ATP6AP1: variants seen among roughly 807,000 people sequenced by gnomAD.
The protein encoded by ATP6AP1 is ATPase H+ transporting accessory protein 1, also known as V-type proton ATPase subunit S1.
Under a neutral mutation model 32.0 loss-of-function variants are expected in ATP6AP1, and 1 was observed. That is an observed-to-expected ratio of 0.03 (90% CI 0.01 to 0.15). ATP6AP1 has a LOEUF of 0.15. Ranked by LOEUF, ATP6AP1 falls within the 10% of genes least tolerant of loss-of-function variation. The probability of loss-of-function intolerance (pLI) is 1.00; values close to 1 mark genes in which losing one functional copy is unlikely to be tolerated. For synonymous variants in ATP6AP1, 187 were observed against 174.9 expected (o/e 1.07, Z -0.55); for missense variants, 297 against 398.8 (o/e 0.74, Z 2.17).
Position 154,435,304 on chromosome X carries a change from G to A in ATP6AP1, c.1002G>A (p.Val334=). ...TTCTGGCCAACCGCCTCTACCCAGT[G>A]TCTGCCCGGCACTGGTTTACCATGG... The part of the protein sequence containing the change: ...KFILANRLYP[V]SARHWFTMER... Residue 334 remains valine, a synonymous_variant, in exon 9 of 10, where the codon GTG becomes GTA. Transcript: ENST00000369762. The A allele has an allele frequency of 2.5e-6, 3 of 1,211,880 alleles. No individual in the cohort carries two copies. The highest frequency in any genetic ancestry group is 3.3e-6 in the Non-Finnish European group (3 of 895,531).
At chrX:154,432,702 G>A (rs1244673232) in intron 4 of ATP6AP1, among the ~76,000 whole-genome samples, 1 of 112,261 alleles carries the variant, frequency 8.9e-6, no homozygotes, top group Non-Finnish European at 1.9e-5. Context: ...CTGCGGGTGG[G>A]GAGCCTTCTC....
At chrX:154,431,650 G>A (rs2068693964) in intron 2 of ATP6AP1, 180 bp from the exon 3 acceptor site, 2 of 482,860 alleles carry the variant, frequency 4.1e-6, no homozygotes, top group Non-Finnish European at 7.3e-6. Flanking sequence ...GAGTGCTGGA[G>A]GGAAGAGGTG....
Position 154,435,878 on chromosome X carries a change from C to T in ATP6AP1, c.1400C>T (p.Thr467Ile). The change falls in exon 10 of 10, where the codon ACC (threonine) becomes ATC (isoleucine). Residue 467 changes from threonine (T) to isoleucine (I), a missense_variant. By Grantham distance (89) the Thr-to-Ile change is moderately conservative. This residue lies in a region of ATP6AP1 where 155 missense variants were observed against 253.8 expected (regional missense o/e 0.61). Coordinates refer to ENST00000369762, the MANE Select transcript of ATP6AP1 (RefSeq NM_001183.6). ...CACAAGGGCCCCACTATTTCTTTGA[C>T]CCAGATTGTGTGACCCTGTGCCAGT... ...DDHKGPTISL[T>I]QIV 8.3e-7 allele frequency: 1 copy of T among 1,208,934 alleles called. No individual in the cohort carries two copies. The highest frequency in any genetic ancestry group is 1.1e-6 in the Non-Finnish European group (1 of 894,648).
rs782254911 is a variant in ATP6AP1, at chrX:154,431,807, T to A, written c.289-23T>A. 3.2e-5 allele frequency: 39 copies of A among 1,207,230 alleles called. No individual in the cohort carries two copies. The South Asian group carries it at 6.9e-4, about 21-fold the overall frequency. On this transcript the variant is annotated intron_variant, in intron 2 of 9. Transcript: ENST00000369762. ...CCATCACTTGCCAAACCTCCTCAGA[T>A]GTCTCCCCTATTTCCCTAATAGCTG...
chrX:154,433,562 C>A, intron 5 of ATP6AP1, 73 bp from the exon 6 acceptor site: 1 of 1,026,536 alleles, frequency 9.7e-7, no homozygotes. Flanking sequence ...GTTTCTAAAG[C>A]AGACAGTGGG....
At position 154,434,384 on chromosome X, in the gene ATP6AP1, C is replaced by T. The variant is rs782107955; in HGVS notation, c.861C>T (p.Pro287=). 4 of 1,212,157 alleles carry T rather than the reference C, an allele frequency of 3.3e-6. No homozygotes were observed. In the Admixed American group the frequency reaches 8.7e-5, roughly 26 times the overall value. ...AGGACCAGTGGGAGGACCTGACTCC[C>T]CTCACCTTTGGGGTGCAGGAACTCA... ...AYKDQWEDLT[P]LTFGVQELNL... The change falls in exon 7 of 10, where the codon CCC becomes CCT. Residue 287 remains proline, a synonymous_variant. Transcript: ENST00000369762.
In ATP6AP1 at chrX:154,428,787, TGGC is replaced by T. The variant is rs781797236; in HGVS notation, c.114_116del (p.Ala41del). The stretch of plus-strand genomic sequence containing the variant: ...CCGTGGCTGCCGGTGTTTTTGTCGT[TGGC>T]GGCGGCGGCGGCGGCGGCAGCGGCG... On this transcript the variant is annotated inframe_deletion, in exon 1 of 10. Coordinates refer to ENST00000369762, the MANE Select transcript of ATP6AP1 (RefSeq NM_001183.6). 328 of 1,121,018 alleles carry T rather than the reference TGGC, an allele frequency of 2.9e-4. No individual in the cohort carries two copies. Among genetic ancestry groups the T allele is most frequent in the Admixed American group, 1.1e-3 (37 of 33,049 alleles). 92.4% of individuals were successfully genotyped at this position (1,121,018 alleles called of 1,213,427 possible).
chrX:154,435,057 G>A, intron 7 of ATP6AP1, 82 bp from the exon 8 acceptor site: 2 of 1,083,514 alleles, frequency 1.8e-6, no homozygotes, highest in East Asian at 6.4e-5. Flanking sequence ...TTAGGTAGGA[G>A]CAGAGCTGAG....
chrX:154,432,906 C>T (rs782119422), intron 4 of ATP6AP1, 25 bp from the exon 5 acceptor site: 1 of 1,211,381 alleles, frequency 8.3e-7, no homozygotes. Context: ...CCTGAGGACT[C>T]TGGCGCTCTG....
intron 4 of ATP6AP1, 81 bp downstream of exon 4, chrX:154,432,540 T>C (rs2068699750): frequency 2.8e-6 from 3 of 1,081,867 alleles, no homozygotes; most frequent in Non-Finnish European, 3.6e-6. Flanking sequence ...GGTGGCACCG[T>C]TTGGCTAAAG....
rs782325652 is a variant in ATP6AP1, at chrX:154,432,469, G to A, written c.557+10G>A. 4.3e-6 allele frequency: 5 copies of A among 1,161,571 alleles called. No homozygotes were observed. The Admixed American group carries it at 7.6e-5, about 18-fold the overall frequency. On this transcript the variant is annotated intron_variant, in intron 4 of 9. Coordinates refer to ENST00000369762, the MANE Select transcript of ATP6AP1 (RefSeq NM_001183.6). ...TGCCCTACACAGCCAGGTACTGCCC[G>A]CATGGCCCAGCCACCAGCCTCGGGG...
At chrX:154,431,690 A>C (rs868944110) in intron 2 of ATP6AP1, 140 bp from the exon 3 acceptor site, 4 of 520,509 alleles carry the variant, frequency 7.7e-6, no homozygotes, top group East Asian at 3.5e-5. Context: ...ACCAACACAC[A>C]GTTGTGCTCC....
chrX:154,431,980 A>C, intron 3 of ATP6AP1, 76 bp downstream of exon 3: 1 of 1,067,575 alleles, frequency 9.4e-7, no homozygotes, highest in Non-Finnish European at 1.3e-6. Flanking sequence ...CTGTACTCTG[A>C]CCTCATATCA....
intron 6 of ATP6AP1, 79 bp from the exon 7 acceptor site, chrX:154,434,129 A>G (rs2068707401): frequency 2.1e-6 from 2 of 972,162 alleles, no homozygotes; most frequent in South Asian, 4.1e-5. Context: ...TTGGGAGGGG[A>G]AGGAGGGCAC....
Position 154,435,451 on chromosome X carries a change from C to T in ATP6AP1, c.1149C>T (p.Leu383=). The change falls in exon 9 of 10, where the codon CTC becomes CTT. Residue 383 remains leucine (L), a synonymous_variant. Transcript: ENST00000369762. The stretch of plus-strand genomic sequence containing the variant: ...GCAGCCTGAGCAAGAAGGGTAGTCT[C>T]CTCGTGGCCCGCACGCAGCCCTCTC... ...YVSSLSKKGS[L]LVARTQPSPW... 2 of 1,212,127 alleles carry T rather than the reference C, an allele frequency of 1.6e-6. No homozygotes were observed. Among genetic ancestry groups the T allele is most frequent in the Admixed American group, 4.3e-5 (2 of 46,106 alleles).
At chrX:154,429,389 C>T (rs1294900565) in intron 2 of ATP6AP1, 2 of 439,210 alleles carry the variant, frequency 4.6e-6, no homozygotes, top group Admixed American at 4.4e-5. Flanking sequence ...GAGGAAGCGA[C>T]GGACCAGAGG....
Position 154,434,381 on chromosome X carries a change from T to G in ATP6AP1, c.858T>G (p.Thr286=), listed in dbSNP as rs2068708907. The change falls in exon 7 of 10, where the codon ACT becomes ACG. Residue 286 remains threonine, a synonymous_variant. Coordinates refer to ENST00000369762, the MANE Select transcript of ATP6AP1 (RefSeq NM_001183.6). ...VAYKDQWEDL[T]PLTFGVQELN... is the part of the protein sequence containing the mutation. ...ACAAGGACCAGTGGGAGGACCTGAC[T>G]CCCCTCACCTTTGGGGTGCAGGAAC... 8.3e-7 allele frequency: 1 copy of G among 1,210,327 alleles called. No homozygotes were observed. Among genetic ancestry groups the G allele is most frequent in the South Asian group, 1.8e-5 (1 of 56,858 alleles).
intron 5 of ATP6AP1, 111 bp downstream of exon 5, chrX:154,433,082 C>G: frequency 1.1e-6 from 1 of 917,760 alleles, no homozygotes; most frequent in South Asian, 2.2e-5. Context: ...GGCCCGCCTG[C>G]TTCTCGGGGC....
At chrX:154,432,032 C>T in intron 3 of ATP6AP1, 128 bp downstream of exon 3, 1 of 775,686 alleles carries the variant, frequency 1.3e-6, no homozygotes. Flanking sequence ...AACCATCCCC[C>T]CCAAAAACAA....
Sources: allele counts gnomAD v4.1 joint callset (sites outside exome capture counted in the v4.1 genomes callset), GRCh38; gene constraint gnomAD v4.1.1; regional missense constraint gnomAD v4.1.1; transcripts MANE v1.5; gene names NCBI Gene and HGNC (gene_info 2026-07-23, HGNC 2026-07-21).